The following XKR7 variants were observed in gnomAD, a reference collection of about 807,000 sequenced individuals.
XKR7 encodes XK related 7.
A neutral mutation model predicts 42.2 loss-of-function variants in XKR7; 11 were observed. The ratio of observed to expected loss-of-function variants is 0.26; its 90% CI spans 0.16 to 0.43. The LOEUF (loss-of-function observed/expected upper bound fraction) is 0.43, where lower values mean the gene tolerates loss of function less well. Among genes scored for constraint, XKR7 ranks in the 20% least tolerant of loss-of-function variants. XKR7 has a pLI of 1.00. For missense variants in XKR7, 710 were observed against 802.2 expected (o/e 0.89, Z 1.39); for synonymous variants, 346 against 366.4 (o/e 0.94, Z 0.64).
In XKR7 at chr20:31,995,385, C is replaced by G; in HGVS notation, c.787+115C>G. 2.7e-6 allele frequency: 4 copies of G among 1,489,212 alleles called. No individual in the cohort carries two copies. Among genetic ancestry groups the G allele is most frequent in the Non-Finnish European group, 3.6e-6 (4 of 1,123,960 alleles). 92.2% of individuals were successfully genotyped at this position (1,489,212 alleles called of 1,614,324 possible). On this transcript the variant is annotated intron_variant, in intron 2 of 2. Transcript: ENST00000562532. The surrounding 1 kb of genome is among the most constrained non-coding windows in gnomAD (Gnocchi z 4.1). ...TCCCCACCCCAGCTCAGGGCTCACT[C>G]AGTCAGGGTTTAGGGAGGCCTGCCC...
chr20:31,995,346 A>G lies in XKR7; in HGVS notation c.787+76A>G, dbSNP rs1343507875. 6.5e-7 allele frequency: 1 copy of G among 1,527,858 alleles called. No individual in the cohort carries two copies. The highest frequency in any genetic ancestry group is 1.4e-5 in the African/African-American group (1 of 72,194). 94.6% of individuals were successfully genotyped at this position (1,527,858 alleles called of 1,614,324 possible). A position where few individuals can be genotyped will look rare whatever the true frequency, so the allele number is the denominator to read the frequency against. On this transcript the variant is annotated intron_variant, in intron 2 of 2. Coordinates refer to ENST00000562532, the MANE Select transcript of XKR7 (RefSeq NM_001011718.2). The surrounding 1 kb of genome is among the most constrained non-coding windows in gnomAD (Gnocchi z 4.1). ...TCTCCCTGCTTCAGGCTCCCTGGGG[A>G]TGCCCTGTGGGCTTCCCCACCCCAG...
At chr20:31,991,991 C>T (rs1160782545) in intron 1 of XKR7, among the ~76,000 whole-genome samples, 1 of 152,196 alleles carries the variant, frequency 6.6e-6, no homozygotes, top group Non-Finnish European at 1.5e-5. Context: ...ATGGCGTATG[C>T]CTGTAATCCC....
intron 1 of XKR7, among the ~76,000 whole-genome samples, chr20:31,981,465 G>A (rs748592846): frequency 2.0e-5 from 3 of 152,216 alleles, no homozygotes; most frequent in South Asian, 4.1e-4. Context: ...GCTGAGATGG[G>A]TGGATCACCT....
Position 32,001,007 on chromosome 20 carries a change from A to C in XKR7, c.*3550A>C, listed in dbSNP as rs2064622255. The stretch of plus-strand genomic sequence containing the variant: ...GTCCCACAGAGGCATGTCACCCATG[A>C]GAGTCGGGAAAGACAGAGGGCAGGG... On this transcript the variant is annotated 3_prime_UTR_variant, in exon 3 of 3. Transcript: ENST00000562532. 6.6e-6 allele frequency: 1 copy of C among 152,354 alleles called. No homozygotes were observed. Among genetic ancestry groups the C allele is most frequent in the Non-Finnish European group, 1.5e-5 (1 of 68,136 alleles). The allele number at this position is 152,354 out of a possible 1,614,324, so 9.4% of individuals were successfully genotyped here. A position where few individuals can be genotyped will look rare whatever the true frequency, so the allele number is the denominator to read the frequency against.
Position 31,997,800 on chromosome 20 carries a change from G to C in XKR7, c.*343G>C. The C allele has an allele frequency of 3.3e-6, 1 of 298,770 alleles. No individual in the cohort carries two copies. The highest frequency in any genetic ancestry group is 6.3e-6 in the Non-Finnish European group (1 of 159,510). The allele number at this position is 298,770 out of a possible 1,614,324, so 18.5% of individuals were successfully genotyped here. ...TGTGTTGCCCCTGCTGGACTTGCCA[G>C]AGAAAGGGCACTGTCTGGGGTCCAT... On this transcript the variant is annotated 3_prime_UTR_variant, in exon 3 of 3. Transcript: ENST00000562532.
intron 1 of XKR7, among the ~76,000 whole-genome samples, chr20:31,989,284 C>CG (rs60826834): frequency 0.35 from 52,495 of 150,814 alleles, 9,624 homozygotes; most frequent in African/African-American, 0.46. Context: ...CACCCCCCCC[C>CG]CAGCGCATCT....
rs1300614552 is a variant in XKR7 at position 31,998,326 on chromosome 20, T to A, written c.*869T>A. The A allele has an allele frequency of 6.6e-6, 1 of 152,062 alleles. No homozygotes were observed. Among genetic ancestry groups the A allele is most frequent in the Non-Finnish European group, 1.5e-5 (1 of 67,994 alleles). The allele number at this position is 152,062 out of a possible 1,614,324, so 9.4% of individuals were successfully genotyped here. ...CAGGTCTTCAACACAGCAGATAAGA[T>A]GTCTGGAAAGATCTCTGGGCTCAAG... On this transcript the variant is annotated 3_prime_UTR_variant, in exon 3 of 3. Coordinates refer to ENST00000562532, the MANE Select transcript of XKR7 (RefSeq NM_001011718.2).
At position 31,995,416 on chromosome 20, in the gene XKR7, A is replaced by G; in HGVS notation, c.787+146A>G. The G allele has an allele frequency of 7.6e-7, 1 of 1,321,618 alleles. No individual in the cohort carries two copies. The highest frequency in any genetic ancestry group is 1.0e-6 in the Non-Finnish European group (1 of 984,954). 81.9% of individuals were successfully genotyped at this position (1,321,618 alleles called of 1,614,324 possible). On this transcript the variant is annotated intron_variant, in intron 2 of 2. Transcript: ENST00000562532. The surrounding 1 kb of genome is among the most constrained non-coding windows in gnomAD (Gnocchi z 4.1). ...GGGTTTAGGGAGGCCTGCCCCTTCT[A>G]CCCTCACCACCCTCCAGGCCTCTCG...
chr20:31,968,707 A>C lies in XKR7; in HGVS notation c.532A>C (p.Ile178Leu). ...AYRRRCCRLCIWLLQTLVHLL... is the reference protein window; with the variant it reads ...AYRRRCCRLCLWLLQTLVHLL... ...CCGCCGCCGCTGCTGCCGCCTCTGC[A>C]TCTGGCTGCTGCAGACCCTCGTCCA... Residue 178 changes from isoleucine to leucine, a missense_variant, in exon 1 of 3, where the codon ATC becomes CTC. Coordinates refer to ENST00000562532, the MANE Select transcript of XKR7 (RefSeq NM_001011718.2). This position sits in a 1 kb window ranked among gnomAD's most constrained non-coding sequence, Gnocchi z 4.5. 1.3e-6 allele frequency: 2 copies of C among 1,566,214 alleles called. No homozygotes were observed. Among genetic ancestry groups the C allele is most frequent in the Non-Finnish European group, 1.7e-6 (2 of 1,164,152 alleles).
At chr20:31,980,484 C>T (rs542865518) in intron 1 of XKR7, among the ~76,000 whole-genome samples, 4 of 152,188 alleles carry the variant, frequency 2.6e-5, no homozygotes, top group African/African-American at 4.8e-5. Flanking sequence ...TTCCCATGCC[C>T]CACGGTGAAA....
Position 32,002,396 on chromosome 20 carries a change from A to AG in XKR7, c.*4945dup, listed in dbSNP as rs2064629191. ...ACAAAGAGGGGGTACAGAAGGTGCCAGGGGGGAAAAGGTGATTCCTCCATC... is the reference window on the plus strand; with the variant it reads ...ACAAAGAGGGGGTACAGAAGGTGCCAGGGGGGGAAAAGGTGATTCCTCCATC... On this transcript the variant is annotated 3_prime_UTR_variant, in exon 3 of 3. Coordinates refer to ENST00000562532, the MANE Select transcript of XKR7 (RefSeq NM_001011718.2). The AG allele has an allele frequency of 6.6e-6, 1 of 152,094 alleles. No individual in the cohort carries two copies. The highest frequency in any genetic ancestry group is 2.4e-5 in the African/African-American group (1 of 41,392). The allele number at this position is 152,094 out of a possible 1,614,324, so 9.4% of individuals were successfully genotyped here.
At chr20:31,981,719 A>T in intron 1 of XKR7, among the ~76,000 whole-genome samples, 1 of 152,186 alleles carries the variant, frequency 6.6e-6, no homozygotes, top group East Asian at 1.9e-4. Flanking sequence ...AAACAAACAA[A>T]GAAAAAACAA....
At chr20:31,993,691 A>G (rs1216201198) in intron 1 of XKR7, among the ~76,000 whole-genome samples, 1 of 152,230 alleles carries the variant, frequency 6.6e-6, no homozygotes, top group Non-Finnish European at 1.5e-5. Flanking sequence ...AAGCCAGCCT[A>G]GTCATTCTCC....
At chr20:31,993,941 G>A (rs1053707904) in intron 1 of XKR7, among the ~76,000 whole-genome samples, 3 of 152,218 alleles carry the variant, frequency 2.0e-5, no homozygotes, top group Non-Finnish European at 4.4e-5. Context: ...TTAGGGAGAG[G>A]AAACAATAGG....
chr20:31,972,913 A>G (rs1260614507), intron 1 of XKR7, among the ~76,000 whole-genome samples: 2 of 152,230 alleles, frequency 1.3e-5, no homozygotes, highest in Non-Finnish European at 2.9e-5. Context: ...GGGAAACTAC[A>G]TTCTTGGCAT....
intron 1 of XKR7, among the ~76,000 whole-genome samples, chr20:31,993,889 G>T (rs776472708): frequency 6.6e-6 from 1 of 152,204 alleles, no homozygotes; most frequent in South Asian, 2.1e-4. Context: ...GAGTCATCCC[G>T]GGTTGGGGCC....
chr20:31,996,454 CCCGAGCCCG>C, intron 2 of XKR7, 42 bp from the exon 3 acceptor site: 1 of 225,348 alleles, frequency 4.4e-6, no homozygotes, highest in Non-Finnish European at 8.2e-6. Context: ...CAGACCCCAA[CCCGAGCCCG>C]CCCCTAACCC....
chr20:31,993,810 T>C (rs1163973017), intron 1 of XKR7, among the ~76,000 whole-genome samples: 1 of 151,902 alleles, frequency 6.6e-6, no homozygotes, highest in Non-Finnish European at 1.5e-5. Context: ...TTACCCTAGG[T>C]GGAAGGTGGT....
chr20:31,977,711 G>A (rs143412047), intron 1 of XKR7, among the ~76,000 whole-genome samples: 372 of 152,290 alleles, frequency 2.4e-3, no homozygotes, highest in African/African-American at 8.0e-3. Flanking sequence ...TATCGAGGAA[G>A]GAGAGTTGTT....
Sources: gnomAD v4.1 joint callset for allele counts (sites outside exome capture counted in the v4.1 genomes callset) on GRCh38, gnomAD v4.1.1 for gene constraint, Gnocchi (gnomAD v3.1) non-coding constraint, MANE v1.5 for transcripts, NCBI Gene and HGNC (gene_info 2026-07-23, HGNC 2026-07-21) for gene names.